The following FHIT variants were observed in gnomAD, a reference collection of about 807,000 sequenced individuals.
FHIT encodes the protein fragile histidine triad diadenosine triphosphatase, also known as bis(5'-adenosyl)-triphosphatase.
A neutral mutation model predicts 17.9 loss-of-function variants in FHIT; 19 were observed. The observed-to-expected ratio is 1.06, with a 90% confidence interval of 0.74 to 1.56. The LOEUF (loss-of-function observed/expected upper bound fraction) is 1.56. FHIT is among the 40% of genes most tolerant of loss of function. The pLI is 0.00. For missense variants in FHIT, 248 were observed against 189.2 expected, an observed-to-expected ratio of 1.31 and a Z score of -1.82; for synonymous variants, 81 against 69.7, an observed-to-expected ratio of 1.16 and a Z score of -0.81.
rs201630746 is a variant in FHIT, at chr3:60,239,928, T to C, written c.104-225776A>G. On this transcript the variant is annotated intron_variant, in intron 5 of 9. Coordinates refer to ENST00000492590, the MANE Select transcript of FHIT (RefSeq NM_002012.4). ...TATTATTGGCCTTATGACCACAAGTTGGTCAGTTCGCCTCCCTAAGCCTCA... is the reference window on the plus strand; with the variant it reads ...TATTATTGGCCTTATGACCACAAGTCGGTCAGTTCGCCTCCCTAAGCCTCA... Among the ~76,000 whole-genome samples, 45 of 152,276 alleles carry C rather than the reference T, an allele frequency of 3.0e-4. No homozygotes were observed. The East Asian group carries it at 6.8e-3, about 23-fold the overall frequency.
At chr3:60,985,721 T>C (rs1710695345) in intron 3 of FHIT, among the ~76,000 whole-genome samples, 1 of 152,206 alleles carries the variant, frequency 6.6e-6, no homozygotes, top group East Asian at 1.9e-4. Flanking sequence ...GATTTTGCAT[T>C]TCAAATAAAT....
intron 5 of FHIT, among the ~76,000 whole-genome samples, chr3:60,348,869 A>G (rs73107020): frequency 0.14 from 21,811 of 152,230 alleles, 1,667 homozygotes; most frequent in Non-Finnish European, 0.16. Context: ...GGCGGATACA[A>G]AATATTTAGA....
chr3:60,570,868 T>C (rs921056095), intron 4 of FHIT, among the ~76,000 whole-genome samples: 2 of 150,948 alleles, frequency 1.3e-5, no homozygotes, highest in East Asian at 1.9e-4. Flanking sequence ...AAAAAAATAG[T>C]GCACTAGTTC....
At position 60,345,291 on chromosome 3, in the gene FHIT, C is replaced by A. The variant is rs142406369; in HGVS notation, c.103+191569G>T. ...TCACAGTGAGTTCCAACACAGCACA[C>A]CAGGTAACACTAACTCATCAATTAG... On this transcript the variant is annotated intron_variant, in intron 5 of 9. Transcript: ENST00000492590. Among the ~76,000 whole-genome samples, 357 of 152,242 alleles carry A rather than the reference C, an allele frequency of 2.3e-3. 3 individuals are homozygous for A. Among genetic ancestry groups the A allele is most frequent in the Non-Finnish European group, 2.8e-3 (190 of 68,026 alleles).
At chr3:60,855,526 A>T (rs1703344921) in intron 3 of FHIT, among the ~76,000 whole-genome samples, 1 of 152,100 alleles carries the variant, frequency 6.6e-6, no homozygotes, top group African/African-American at 2.4e-5. Context: ...CCTTTATGAT[A>T]TTACTGAGTT....
intron 3 of FHIT, among the ~76,000 whole-genome samples, chr3:60,887,343 G>C (rs1277657170): frequency 6.6e-6 from 1 of 152,098 alleles, no homozygotes; most frequent in Non-Finnish European, 1.5e-5. Flanking sequence ...CTTTTAAAGT[G>C]TATAAGATAA....
intron 5 of FHIT, among the ~76,000 whole-genome samples, chr3:60,028,565 A>G (rs1559561515): frequency 6.6e-6 from 1 of 152,196 alleles, no homozygotes. Context: ...CACATATTTC[A>G]CCAAAATGGA....
chr3:60,274,809 C>T (rs1425624530), intron 5 of FHIT, among the ~76,000 whole-genome samples: 1 of 152,142 alleles, frequency 6.6e-6, no homozygotes, highest in Non-Finnish European at 1.5e-5. Context: ...CAGACCTTCC[C>T]AGCACAGCCT....
At chr3:61,117,702 G>T (rs1002888906) in intron 2 of FHIT, among the ~76,000 whole-genome samples, 1 of 152,208 alleles carries the variant, frequency 6.6e-6, no homozygotes, top group Non-Finnish European at 1.5e-5. Flanking sequence ...CTGAGCTTGT[G>T]TCTTGGACCT....
Position 60,319,802 on chromosome 3 carries a change from C to T in FHIT, c.103+217058G>A, listed in dbSNP as rs143741706. Among the ~76,000 whole-genome samples, 999 of 152,132 alleles carry T rather than the reference C, an allele frequency of 6.6e-3. 8 individuals are homozygous for T. Among genetic ancestry groups the T allele is most frequent in the Non-Finnish European group, 0.012 (811 of 67,994 alleles). ...ATTACCATAGTTCGTTTGGGGTTGC[C>T]GACTTTTGGTCTTTTCATGCCAGGA... On this transcript the variant is annotated intron_variant, in intron 5 of 9. Transcript: ENST00000492590.
chr3:60,006,772 T>C (rs1699942406), intron 7 of FHIT, among the ~76,000 whole-genome samples: 1 of 152,130 alleles, frequency 6.6e-6, no homozygotes, highest in Non-Finnish European at 1.5e-5. Flanking sequence ...CCAAAGTATG[T>C]TAACTACTAG....
chr3:60,111,656 C>A (rs1215015781), intron 5 of FHIT, among the ~76,000 whole-genome samples: 2 of 152,078 alleles, frequency 1.3e-5, no homozygotes, highest in African/African-American at 4.8e-5. Context: ...TGTTTTTGTC[C>A]AAAAGGAACA....
intron 3 of FHIT, among the ~76,000 whole-genome samples, chr3:60,826,172 A>C: frequency 1.3e-5 from 1 of 78,046 alleles, no homozygotes; most frequent in Middle Eastern, 4.9e-3. Context: ...GAAGGAAGGA[A>C]GGAAGGAAGG....
chr3:60,646,410 AGTT>A (rs1341950336), intron 4 of FHIT, among the ~76,000 whole-genome samples: 1 of 152,202 alleles, frequency 6.6e-6, no homozygotes, highest in Non-Finnish European at 1.5e-5. Flanking sequence ...ATTCTCTCAT[AGTT>A]AAGTCAGATG....
At chr3:60,920,486 C>G (rs1019055628) in intron 3 of FHIT, among the ~76,000 whole-genome samples, 1 of 151,872 alleles carries the variant, frequency 6.6e-6, no homozygotes, top group Non-Finnish European at 1.5e-5. Flanking sequence ...TGGTGGTGAT[C>G]AGTGGTAGTG....
intron 3 of FHIT, among the ~76,000 whole-genome samples, chr3:61,011,428 A>G (rs1298461542): frequency 3.3e-5 from 5 of 152,170 alleles, no homozygotes; most frequent in Non-Finnish European, 7.4e-5. Flanking sequence ...CAGATCACCA[A>G]TATGAATATC....
At chr3:60,976,848 T>C (rs1347847923) in intron 3 of FHIT, among the ~76,000 whole-genome samples, 1 of 152,010 alleles carries the variant, frequency 6.6e-6, no homozygotes, top group Non-Finnish European at 1.5e-5. Flanking sequence ...CCAGATCCAC[T>C]ATTAACTGAA....
At chr3:60,169,977 C>G (rs964280567) in intron 5 of FHIT, among the ~76,000 whole-genome samples, 1 of 152,126 alleles carries the variant, frequency 6.6e-6, no homozygotes, top group African/African-American at 2.4e-5. Context: ...TGGAATGGAC[C>G]TCTGCTGTTT....
Position 60,203,628 on chromosome 3 carries a change from C to T in FHIT, c.104-189476G>A, listed in dbSNP as rs542626799. ...TATATAATAACTATTACCTGGTCAA[C>T]CTATGTCAGCCCATTGGAACTGATC... On this transcript the variant is annotated intron_variant, in intron 5 of 9. Transcript: ENST00000492590. Among the ~76,000 whole-genome samples the T allele has an allele frequency of 4.6e-5, 7 of 152,286 alleles. 1 individual carries two copies. In the South Asian group the frequency reaches 1.5e-3, roughly 32 times the overall value.
Sources: allele counts gnomAD v4.1 joint callset (sites outside exome capture counted in the v4.1 genomes callset), GRCh38; gene constraint gnomAD v4.1.1; transcripts MANE v1.5; gene names NCBI Gene and HGNC (gene_info 2026-07-23, HGNC 2026-07-21).